UBR3: variants seen among roughly 807,000 people sequenced by gnomAD.
UBR3 encodes ubiquitin protein ligase E3 component n-recognin 3, also known as E3 ubiquitin-protein ligase UBR3.
In UBR3, 85 loss-of-function variants were observed where a neutral mutation model predicts 243.2. The observed-to-expected ratio is 0.35, with a 90% CI of 0.29 to 0.42. The LOEUF is 0.42. Ranked by LOEUF, UBR3 falls within the 10% of genes least tolerant of loss-of-function variation. The probability of loss-of-function intolerance (pLI) is 1.00; values close to 1 mark genes in which losing one functional copy is unlikely to be tolerated. For missense variants in UBR3, 1,686 were observed against 2,300.8 expected, an observed-to-expected ratio of 0.73 and a Z score of 5.47; for synonymous variants, 748 against 799.8, an observed-to-expected ratio of 0.94 and a Z score of 1.09.
chr2:169,860,196 G>GT (rs1015508098), intron 1 of UBR3, among the ~76,000 whole-genome samples: 8 of 152,106 alleles, frequency 5.3e-5, no homozygotes, highest in Non-Finnish European at 1.0e-4. Context: ...TGGATCGTAT[G>GT]TTTCTGTTTT....
At position 169,949,596 on chromosome 2, in the gene UBR3, T is replaced by G. The variant is rs567054424; in HGVS notation, c.3085-9T>G. 23 of 1,507,014 alleles carry G rather than the reference T, an allele frequency of 1.5e-5. 1 individual carries two copies. In the East Asian group the frequency reaches 4.4e-4, roughly 29 times the overall value. 93.4% of individuals were successfully genotyped at this position (1,507,014 alleles called of 1,614,324 possible). ...TTGATTTTTCTTTGTTTCTCTTTGTTAATGGTAGAATTCTGGTACAGCTCA... is the reference window on the plus strand; with the variant it reads ...TTGATTTTTCTTTGTTTCTCTTTGTGAATGGTAGAATTCTGGTACAGCTCA... On this transcript the variant is annotated splice_polypyrimidine_tract_variant and intron_variant, in intron 22 of 38. Transcript: ENST00000272793.
chr2:169,959,411 G>A (rs62170352), intron 24 of UBR3, among the ~76,000 whole-genome samples: 8,601 of 151,634 alleles, frequency 0.057, 292 homozygotes, highest in Non-Finnish European at 0.084. Context: ...AAAACTTTCT[G>A]AGCATTGACT....
intron 13 of UBR3, among the ~76,000 whole-genome samples, chr2:169,925,359 A>G (rs1028708719): frequency 6.6e-6 from 1 of 152,184 alleles, no homozygotes; most frequent in Non-Finnish European, 1.5e-5. Context: ...ATGTCAGTGA[A>G]AATCATCATA....
chr2:169,969,866 C>A (rs1364063123), intron 24 of UBR3, among the ~76,000 whole-genome samples: 1 of 150,958 alleles, frequency 6.6e-6, no homozygotes, highest in African/African-American at 2.4e-5. Context: ...GTTTTTTATG[C>A]CAGTACCATG....
chr2:169,998,140 A>G (rs937781851), intron 26 of UBR3, among the ~76,000 whole-genome samples: 5 of 152,208 alleles, frequency 3.3e-5, no homozygotes, highest in Admixed American at 6.5e-5. Context: ...TTTAATTTTT[A>G]TCATTTTTAA....
chr2:170,000,075 G>A (rs190928952), intron 26 of UBR3, among the ~76,000 whole-genome samples: 4 of 151,064 alleles, frequency 2.6e-5, no homozygotes, highest in East Asian at 3.9e-4. Context: ...GTGGTGAGCC[G>A]AGATTGCGCC....
chr2:170,075,065 C>G (rs1039628232), intron 36 of UBR3, among the ~76,000 whole-genome samples: 1 of 152,044 alleles, frequency 6.6e-6, no homozygotes, highest in African/African-American at 2.4e-5. Context: ...ATGAATGTGT[C>G]AGACTAGGTT....
chr2:170,083,169 T>C lies in UBR3; in HGVS notation c.*1326T>C, dbSNP rs9631. The C allele has an allele frequency of 0.38, 43,229 of 114,980 alleles. 6,440 individuals are homozygous for C. Among genetic ancestry groups the C allele is most frequent in the South Asian group, 0.53 (2,000 of 3,786 alleles). 7.1% of individuals were successfully genotyped at this position (114,980 alleles called of 1,614,324 possible). On this transcript the variant is annotated 3_prime_UTR_variant, in exon 39 of 39. Coordinates refer to ENST00000272793, the MANE Select transcript of UBR3 (RefSeq NM_172070.4). ...TACATGTAAAAATAAACTAAACAAA[T>C]CTAATGATAAAATATGTCAGATCCA...
chr2:169,933,921 C>G (rs1031314613), intron 19 of UBR3, among the ~76,000 whole-genome samples: 2 of 152,136 alleles, frequency 1.3e-5, no homozygotes, highest in Non-Finnish European at 2.9e-5. Context: ...GTTCAGCCAT[C>G]GGCATCTCTC....
chr2:170,079,700 T>C, intron 36 of UBR3, 114 bp from the exon 37 acceptor site: 1 of 899,328 alleles, frequency 1.1e-6, no homozygotes, highest in Non-Finnish European at 1.6e-6. Context: ...ATAAAGAAAA[T>C]AAGCCACATT....
At chr2:170,076,128 C>G (rs1053846828) in intron 36 of UBR3, among the ~76,000 whole-genome samples, 1 of 152,136 alleles carries the variant, frequency 6.6e-6, no homozygotes, top group Non-Finnish European at 1.5e-5. Flanking sequence ...ATCTGGTTGG[C>G]CTAACTGTTG....
chr2:170,037,893 C>T (rs759230856), intron 31 of UBR3, among the ~76,000 whole-genome samples: 18 of 151,916 alleles, frequency 1.2e-4, no homozygotes, highest in African/African-American at 1.9e-4. Flanking sequence ...TTCTTGCATA[C>T]GGCAATTTGG....
At chr2:169,882,279 ATATT>A (rs2083909092) in intron 5 of UBR3, among the ~76,000 whole-genome samples, 1 of 139,744 alleles carries the variant, frequency 7.2e-6, no homozygotes, top group Non-Finnish European at 1.5e-5. Flanking sequence ...TGTATATCAT[ATATT>A]TATATATTGT....
rs2090613379 is a variant in UBR3, at chr2:170,029,403, A to G, written c.4511A>G (p.Tyr1504Cys). 1 of 1,611,736 alleles carries G rather than the reference A, an allele frequency of 6.2e-7. No homozygotes were observed. Among genetic ancestry groups the G allele is most frequent in the African/African-American group, 1.3e-5 (1 of 74,794 alleles). Residue 1504 changes from tyrosine (Y) to cysteine (C), a missense_variant, in exon 31 of 39, where the codon TAT becomes TGT. Physicochemically the swap from Tyr to Cys is radical, Grantham distance 194. Transcript: ENST00000272793. ...CGGCTTTATAGCATTGACTCTGAGT[A>G]TAATCCCTGGAGAAAGCTCACCCAG... ...HMRLYSIDSE[Y>C]NPWRKLTQLE...
rs145189615 is a variant in UBR3, at chr2:169,919,779, A to T, written c.1867-4150A>T. Among the ~76,000 whole-genome samples, 1,328 of 152,312 alleles carry T rather than the reference A, an allele frequency of 8.7e-3. 23 individuals are homozygous for T. Among genetic ancestry groups the T allele is most frequent in the African/African-American group, 0.03 (1,261 of 41,564 alleles). On this transcript the variant is annotated intron_variant, in intron 11 of 38. Transcript: ENST00000272793. The stretch of plus-strand genomic sequence containing the variant: ...AATTAGATACCATCTCACACCAGTT[A>T]GAATGGCAGTCATTAAAAAGTCAGG...
chr2:169,835,834 A>G (rs1377794346), intron 1 of UBR3, among the ~76,000 whole-genome samples: 1 of 151,820 alleles, frequency 6.6e-6, no homozygotes, highest in Non-Finnish European at 1.5e-5. Context: ...TATAACAGAT[A>G]CCTTTGTACT....
intron 29 of UBR3, chr2:170,014,031 T>C (rs1349277966): frequency 2.3e-6 from 1 of 440,448 alleles, no homozygotes; most frequent in East Asian, 7.3e-5. Context: ...AAAATTCCCT[T>C]GTCACACAGA....
chr2:169,863,349 T>C (rs2083152334), intron 1 of UBR3, among the ~76,000 whole-genome samples: 1 of 152,236 alleles, frequency 6.6e-6, no homozygotes, highest in African/African-American at 2.4e-5. Context: ...ACTTAACCTT[T>C]TAGGCAATTT....
intron 1 of UBR3, among the ~76,000 whole-genome samples, chr2:169,854,004 C>T (rs2082752377): frequency 2.0e-5 from 3 of 151,622 alleles, no homozygotes; most frequent in Admixed American, 2.0e-4. Context: ...GGGAATATCA[C>T]ACACTGGGGT....
Sources: gnomAD v4.1 joint callset for allele counts (sites outside exome capture counted in the v4.1 genomes callset) on GRCh38, gnomAD v4.1.1 for gene constraint, MANE v1.5 for transcripts, NCBI Gene and HGNC (gene_info 2026-07-23, HGNC 2026-07-21) for gene names.